The following ABCB5 variants were observed in gnomAD, a reference collection of about 807,000 sequenced individuals.
The protein encoded by ABCB5 is ATP-binding cassette sub-family B member 5.
ABCB5 carries 155 observed loss-of-function variants against 144.2 expected under a neutral mutation model. The ratio of observed to expected loss-of-function variants is 1.08; its 90% CI spans 0.94 to 1.23. The LOEUF is 1.23. Ranked by LOEUF, ABCB5 falls within the 50% of genes most tolerant of loss-of-function variation. The pLI, the probability that ABCB5 is intolerant of heterozygous loss-of-function variation, is 0.00. For synonymous variants in ABCB5, 610 were observed against 528.6 expected, an observed-to-expected ratio of 1.15 and a Z score of -2.11; for missense variants, 1,830 against 1,520.8, an observed-to-expected ratio of 1.20 and a Z score of -3.38.
In ABCB5 at chr7:20,643,350, G is replaced by A. The variant is rs765193743; in HGVS notation, c.481G>A (p.Gly161Ser). 3.3e-5 allele frequency: 53 copies of A among 1,613,788 alleles called. No homozygotes were observed. The highest frequency in any genetic ancestry group is 1.6e-4 in the Middle Eastern group (1 of 6,084). Residue 161 changes from glycine to serine, a missense_variant, in exon 6 of 28, where the codon GGT becomes AGT. By Grantham distance (56) the Gly-to-Ser change is moderately conservative (BLOSUM62 0). Transcript: ENST00000404938. The part of the protein sequence containing the change: ...DIGWFDSCDI[G>S]ELNTRMTDDI... Reference sequence around the variant, plus strand: ...CGGCTGGTTTGATAGCTGTGACATCGGTGAACTTAACACTCGCATGACAGA... The same window carrying A: ...CGGCTGGTTTGATAGCTGTGACATCAGTGAACTTAACACTCGCATGACAGA...
Position 20,646,095 on chromosome 7 carries a change from T to A in ABCB5, c.938T>A (p.Ile313Asn). ...GCTTTTTGGTATGGAACCTCCTTGA[T>A]TCTTAATGGAGAACCTGGATATACC... ...GLAFWYGTSL[I>N]LNGEPGYTIG... Residue 313 changes from isoleucine (I) to asparagine (N), a missense_variant, in exon 9 of 28, where the codon ATT becomes AAT. Transcript: ENST00000404938. The A allele has an allele frequency of 6.2e-7, 1 of 1,613,790 alleles. No individual in the cohort carries two copies. The highest frequency in any genetic ancestry group is 8.5e-7 in the Non-Finnish European group (1 of 1,179,760).
intron 23 of ABCB5, among the ~76,000 whole-genome samples, chr7:20,737,871 G>A (rs1782438546): frequency 2.0e-5 from 3 of 152,136 alleles, no homozygotes; most frequent in Non-Finnish European, 2.9e-5. Flanking sequence ...GTAAATATCA[G>A]TACTAAAAAA....
chr7:20,690,914 AAAATT>A (rs1197304717), intron 16 of ABCB5, among the ~76,000 whole-genome samples: 1 of 152,196 alleles, frequency 6.6e-6, no homozygotes, highest in Non-Finnish European at 1.5e-5. Context: ...AGAATCACAT[AAAATT>A]AGAGATTTTC....
intron 5 of ABCB5, among the ~76,000 whole-genome samples, chr7:20,638,077 G>A (rs1363977920): frequency 6.6e-6 from 1 of 152,148 alleles, no homozygotes; most frequent in Non-Finnish European, 1.5e-5. Context: ...GAAAACTCGA[G>A]TGTGTTGTTT....
At chr7:20,666,981 G>T (rs947072552) in intron 14 of ABCB5, 18 of 910,946 alleles carry the variant, frequency 2.0e-5, no homozygotes, top group Non-Finnish European at 2.5e-5. Context: ...TGAATATTTT[G>T]TTGTTGTTCA....
At chr7:20,638,148 TTTAAA>T (rs1428228211) in intron 5 of ABCB5, among the ~76,000 whole-genome samples, 1 of 152,138 alleles carries the variant, frequency 6.6e-6, no homozygotes, top group Non-Finnish European at 1.5e-5. Flanking sequence ...TATAAAATTA[TTTAAA>T]TTATTTTTTC....
rs370435171 is a variant in ABCB5 at position 20,749,260 on chromosome 7, C to G, written c.3429+3822C>G. On this transcript the variant is annotated intron_variant, in intron 26 of 27. Coordinates refer to ENST00000404938, the MANE Select transcript of ABCB5 (RefSeq NM_001163941.2). Reference sequence around the variant, plus strand: ...TCTTTTCTTTCTTCACAGGGTCTTGCTCTGTCGCCTAGGCTGAAATACAGT... The same window carrying G: ...TCTTTTCTTTCTTCACAGGGTCTTGGTCTGTCGCCTAGGCTGAAATACAGT... Among the ~76,000 whole-genome samples, 5 of 135,374 alleles carry G rather than the reference C, an allele frequency of 3.7e-5. No homozygotes were observed. The South Asian group carries it at 7.8e-4, about 21-fold the overall frequency. The allele number at this position is 135,374 out of a possible 152,430, so 88.8% of individuals were successfully genotyped here. A position where few individuals can be genotyped will look rare whatever the true frequency, so the allele number is the denominator to read the frequency against.
At chr7:20,636,929 G>C (rs1190759832) in intron 5 of ABCB5, among the ~76,000 whole-genome samples, 1 of 151,798 alleles carries the variant, frequency 6.6e-6, no homozygotes, top group Non-Finnish European at 1.5e-5. Context: ...AGTCAAATTG[G>C]TTTGGAAAAC....
chr7:20,692,462 C>T (rs560194742), intron 16 of ABCB5, among the ~76,000 whole-genome samples: 63 of 151,322 alleles, frequency 4.2e-4, no homozygotes, highest in Admixed American at 7.3e-4. Flanking sequence ...TAACTACCAG[C>T]ACACCTACAC....
intron 1 of ABCB5, among the ~76,000 whole-genome samples, chr7:20,620,617 C>CA (rs144336689): frequency 0.047 from 7,161 of 151,906 alleles, 530 homozygotes; most frequent in African/African-American, 0.15. Context: ...AGAAGATATA[C>CA]AAATGAGCAG....
chr7:20,704,787 G>T lies in ABCB5; in HGVS notation c.2401G>T (p.Asp801Tyr). The change falls in exon 20 of 28, where the codon GAT becomes TAT. Residue 801 changes from aspartate to tyrosine, a missense_variant. By Grantham distance (160) the Asp-to-Tyr change is radical (BLOSUM62 -3). Coordinates refer to ENST00000404938, the MANE Select transcript of ABCB5 (RefSeq NM_001163941.2). ...AGGCTTGACAACAATATTAGCCATA[G>T]ATATAGCACAAATTCAAGGAGTATG... Reference protein sequence around the residue: ...TGGLTTILAIDIAQIQGATGS... With the variant: ...TGGLTTILAIYIAQIQGATGS... 1 of 1,613,360 alleles carries T rather than the reference G, an allele frequency of 6.2e-7. No homozygotes were observed. Among genetic ancestry groups the T allele is most frequent in the East Asian group, 2.2e-5 (1 of 44,820 alleles).
chr7:20,719,145 T>A (rs1362384870), intron 20 of ABCB5, among the ~76,000 whole-genome samples: 3 of 152,170 alleles, frequency 2.0e-5, no homozygotes, highest in Non-Finnish European at 2.9e-5. Context: ...TTATCTAAGC[T>A]TTTTCTAATG....
chr7:20,637,796 C>G (rs1192008450), intron 5 of ABCB5, among the ~76,000 whole-genome samples: 2 of 152,132 alleles, frequency 1.3e-5, no homozygotes, highest in African/African-American at 4.8e-5. Context: ...TCTAGCATAA[C>G]CTACTTGAAA....
intron 17 of ABCB5, among the ~76,000 whole-genome samples, chr7:20,699,171 A>T (rs1395578091): frequency 6.6e-6 from 1 of 152,242 alleles, no homozygotes. Flanking sequence ...GAAGACTACT[A>T]AGAAACTTGA....
chr7:20,745,806 T>C (rs535868320), intron 26 of ABCB5, among the ~76,000 whole-genome samples: 2 of 152,304 alleles, frequency 1.3e-5, no homozygotes, highest in South Asian at 2.1e-4. Context: ...ATCAGAGGGA[T>C]CTTTTAAAAA....
At chr7:20,692,290 T>G (rs1786255551) in intron 16 of ABCB5, among the ~76,000 whole-genome samples, 1 of 152,092 alleles carries the variant, frequency 6.6e-6, no homozygotes, top group African/African-American at 2.4e-5. Flanking sequence ...AGCTACAAAC[T>G]TCTCATCAGA....
intron 14 of ABCB5, among the ~76,000 whole-genome samples, chr7:20,668,806 G>A (rs1368527359): frequency 2.9e-3 from 380 of 132,314 alleles, no homozygotes; most frequent in Non-Finnish European, 4.1e-3. Flanking sequence ...TGGGAAGTGA[G>A]GAGCCCCTCT....
intron 23 of ABCB5, among the ~76,000 whole-genome samples, chr7:20,735,640 G>A (rs1050578491): frequency 1.3e-5 from 2 of 152,180 alleles, no homozygotes; most frequent in Admixed American, 1.3e-4. Flanking sequence ...ACCTAAAGAA[G>A]AGAAATCAAA....
At chr7:20,655,798 C>T (rs7796207) in intron 13 of ABCB5, among the ~76,000 whole-genome samples, 29,265 of 152,086 alleles carry the variant, frequency 0.19, 3,005 homozygotes, top group African/African-American at 0.26. Flanking sequence ...TGTGTAGAAA[C>T]TGACATGTTG....
Sources: allele counts gnomAD v4.1 joint callset (sites outside exome capture counted in the v4.1 genomes callset), GRCh38; gene constraint gnomAD v4.1.1; transcripts MANE v1.5; gene names NCBI Gene and HGNC (gene_info 2026-07-23, HGNC 2026-07-21).